IFIT5: variants seen among roughly 807,000 people sequenced by gnomAD.
IFIT5 encodes interferon induced protein with tetratricopeptide repeats 5.
Under a neutral mutation model 5.0 loss-of-function variants are expected in IFIT5, and 2 were observed. The observed-to-expected ratio is 0.40, with a 90% CI of 0.16 to 1.26. The LOEUF is 1.26. IFIT5 is among the 50% of genes most tolerant of loss of function. IFIT5 has a pLI of 0.33. For synonymous variants in IFIT5, 206 were observed against 204.6 expected, an observed-to-expected ratio of 1.01 and a Z score of -0.06; for missense variants, 524 against 563.2, an observed-to-expected ratio of 0.93 and a Z score of 0.70.
Position 89,414,783 on chromosome 10 carries a change from G to A in IFIT5, c.-16G>A. 6.2e-7 allele frequency: 1 copy of A among 1,608,756 alleles called. No individual in the cohort carries two copies. The highest frequency in any genetic ancestry group is 8.5e-7 in the Non-Finnish European group (1 of 1,178,040). ...AGGGACTGCGCCGCCCGGACGGCCT[G>A]CAGAGCGCTGCCATCATGAGGTAAG... is the stretch of plus-strand genomic sequence containing the variant. On this transcript the variant is annotated 5_prime_UTR_variant, in exon 1 of 2. Coordinates refer to ENST00000371795, the MANE Select transcript of IFIT5 (RefSeq NM_012420.3).
In IFIT5 at chr10:89,417,287, G is replaced by T. The variant is rs1841548082; in HGVS notation, c.88G>T (p.Asp30Tyr). The change falls in exon 2 of 2, where the codon GAT becomes TAT. Residue 30 changes from aspartate (D) to tyrosine (Y), a missense_variant. Asp to Tyr is a radical substitution (Grantham distance 160). Transcript: ENST00000371795. ...FTWNLLKEDIDLFEVEDTIGQ... is the reference protein window; with the variant it reads ...FTWNLLKEDIYLFEVEDTIGQ... ...ATGGAATTTACTTAAGGAAGACATT[G>T]ATCTGTTTGAGGTAGAAGATACAAT... The T allele has an allele frequency of 6.2e-7, 1 of 1,614,058 alleles. No individual in the cohort carries two copies. Among genetic ancestry groups the T allele is most frequent in the African/African-American group, 1.3e-5 (1 of 75,040 alleles).
chr10:89,414,795 C>A lies in IFIT5; in HGVS notation c.-4C>A. The A allele has an allele frequency of 6.2e-7, 1 of 1,609,510 alleles. No homozygotes were observed. Among genetic ancestry groups the A allele is most frequent in the Non-Finnish European group, 8.5e-7 (1 of 1,178,194 alleles). The stretch of plus-strand genomic sequence containing the variant: ...GCCCGGACGGCCTGCAGAGCGCTGC[C>A]ATCATGAGGTAAGGGTTTTCCTTTG... On this transcript the variant is annotated 5_prime_UTR_variant, in exon 1 of 2. Coordinates refer to ENST00000371795, the MANE Select transcript of IFIT5 (RefSeq NM_012420.3).
At position 89,417,181 on chromosome 10, in the gene IFIT5, TA is replaced by T. The variant is rs746129040; in HGVS notation, c.6-19del. The T allele has an allele frequency of 2.0e-6, 3 of 1,527,990 alleles. No individual in the cohort carries two copies. The Admixed American group carries it at 6.5e-5, about 33-fold the overall frequency. 94.7% of individuals were successfully genotyped at this position (1,527,990 alleles called of 1,614,324 possible). ...TTATTTCTTGTATTTCTTCAAAAAT[TA>T]AAAAGTATTTTATCTTTGACAGTGA... On this transcript the variant is annotated intron_variant, in intron 1 of 1. Transcript: ENST00000371795.
At position 89,417,586 on chromosome 10, in the gene IFIT5, T is replaced by G; in HGVS notation, c.387T>G (p.Ser129Arg). ...KIGNVCKKLS[S>R]PSNYKLECPE... Reference sequence around the variant, plus strand: ...GGAATGTCTGTAAGAAATTGTCCAGTCCTTCTAACTACAAGTTGGAGTGTC... The same window carrying G: ...GGAATGTCTGTAAGAAATTGTCCAGGCCTTCTAACTACAAGTTGGAGTGTC... The change falls in exon 2 of 2, where the codon AGT (serine) becomes AGG (arginine). Residue 129 changes from serine to arginine, a missense_variant. Physicochemically the swap from Ser to Arg is moderately radical, Grantham distance 110. Transcript: ENST00000371795. The G allele has an allele frequency of 1.2e-6, 2 of 1,614,236 alleles. No individual in the cohort carries two copies. The highest frequency in any genetic ancestry group is 4.5e-5 in the East Asian group (2 of 44,886).
intron 1 of IFIT5, among the ~76,000 whole-genome samples, chr10:89,416,756 G>A (rs1206990233): frequency 6.6e-6 from 1 of 152,210 alleles, no homozygotes; most frequent in African/African-American, 2.4e-5. Context: ...AGGCTGTAAG[G>A]ACATGGCATG....
Position 89,418,468 on chromosome 10 carries a change from G to A in IFIT5, c.1269G>A (p.Leu423=), listed in dbSNP as rs753594215. The A allele has an allele frequency of 4.3e-6, 7 of 1,614,074 alleles. No individual in the cohort carries two copies. In the African/African-American group the frequency reaches 6.7e-5, roughly 15 times the overall value. ...AACTGACAAGTGCTCTGAAGAAATT[G>A]TCTACCAAGAGACTTTGTCACAATG... The part of the protein sequence containing the change: ...RTKLTSALKK[L]STKRLCHNAL... Residue 423 remains leucine (L), a synonymous_variant, in exon 2 of 2, where the codon TTG becomes TTA. Coordinates refer to ENST00000371795, the MANE Select transcript of IFIT5 (RefSeq NM_012420.3).
rs553244579 is a variant in IFIT5, at chr10:89,418,768, T to C, written c.*120T>C. The C allele has an allele frequency of 1.3e-4, 129 of 1,012,600 alleles. No homozygotes were observed. The African/African-American group carries it at 1.8e-3, about 14-fold the overall frequency. The allele number at this position is 1,012,600 out of a possible 1,614,324, so 62.7% of individuals were successfully genotyped here. A position where few individuals can be genotyped will look rare whatever the true frequency, so the allele number is the denominator to read the frequency against. On this transcript the variant is annotated 3_prime_UTR_variant, in exon 2 of 2. Coordinates refer to ENST00000371795, the MANE Select transcript of IFIT5 (RefSeq NM_012420.3). ...AGAGCTAATATTTATTGAATAGTTA[T>C]TGTGTACCAAGCATTGTGCTAAATA...
At chr10:89,415,166 A>G (rs6586195) in intron 1 of IFIT5, among the ~76,000 whole-genome samples, 26,977 of 152,152 alleles carry the variant, frequency 0.18, 4,845 homozygotes, top group African/African-American at 0.46. Context: ...GCTCCCCCGG[A>G]AGGCCTGTCC....
chr10:89,417,571 T>C lies in IFIT5; in HGVS notation c.372T>C (p.Cys124=). Reference sequence around the variant, plus strand: ...ATACAGGTAAGATAGGGAATGTCTGTAAGAAATTGTCCAGTCCTTCTAACT... The same window carrying C: ...ATACAGGTAAGATAGGGAATGTCTGCAAGAAATTGTCCAGTCCTTCTAACT... ...QKYTGKIGNV[C]KKLSSPSNYK... is the part of the protein sequence containing the mutation. The change falls in exon 2 of 2, where the codon TGT becomes TGC. Residue 124 remains cysteine, a synonymous_variant. Transcript: ENST00000371795. 1 of 1,614,172 alleles carries C rather than the reference T, an allele frequency of 6.2e-7. No homozygotes were observed. Among genetic ancestry groups the C allele is most frequent in the Non-Finnish European group, 8.5e-7 (1 of 1,180,018 alleles).
At chr10:89,416,775 A>G (rs75135115) in intron 1 of IFIT5, among the ~76,000 whole-genome samples, 1,534 of 152,354 alleles carry the variant, frequency 0.01, 25 homozygotes, top group African/African-American at 0.035. Context: ...TGTCTTGCCC[A>G]TATTTTTGGT....
intron 1 of IFIT5, among the ~76,000 whole-genome samples, chr10:89,415,122 G>A (rs1841521057): frequency 6.6e-6 from 1 of 152,204 alleles, no homozygotes; most frequent in Non-Finnish European, 1.5e-5. Context: ...CCTGGCGTCT[G>A]CGGTCGGGAC....
rs1841580307 is a variant in IFIT5, at chr10:89,419,748, G to T, written c.*1100G>T. 6.6e-6 allele frequency: 1 copy of T among 151,816 alleles called. No homozygotes were observed. Among genetic ancestry groups the T allele is most frequent in the African/African-American group, 2.4e-5 (1 of 41,286 alleles). 9.4% of individuals were successfully genotyped at this position (151,816 alleles called of 1,614,324 possible). ...TTCAGTTTTAATATCCACCTTGAGG[G>T]GTCGCTGCTTGAGGGCTCTTATCCC... On this transcript the variant is annotated 3_prime_UTR_variant, in exon 2 of 2. Transcript: ENST00000371795.
rs1841548518 is a variant in IFIT5, at chr10:89,417,326, G to C, written c.127G>C (p.Glu43Gln). 1 of 1,614,138 alleles carries C rather than the reference G, an allele frequency of 6.2e-7. No homozygotes were observed. Among genetic ancestry groups the C allele is most frequent in the Non-Finnish European group, 8.5e-7 (1 of 1,180,028 alleles). ...EVEDTIGQQL[E>Q]FLTTKSRLAL... ...AGAAGATACAATTGGGCAACAGCTT[G>C]AATTTCTTACCACAAAATCTAGACT... Residue 43 changes from glutamate to glutamine, a missense_variant, in exon 2 of 2, where the codon GAA becomes CAA. Transcript: ENST00000371795.
Position 89,414,681 on chromosome 10 carries a change from C to T in IFIT5, c.-118C>T. On this transcript the variant is annotated 5_prime_UTR_variant, in exon 1 of 2. Transcript: ENST00000371795. ...CGGCCGAGTCCAGGGGCTGCAGAGG[C>T]CTGGCGCGCGCACGCGCACGCGCAC... 1 of 1,279,000 alleles carries T rather than the reference C, an allele frequency of 7.8e-7. No homozygotes were observed. The highest frequency in any genetic ancestry group is 1.5e-5 in the South Asian group (1 of 66,394). The allele number at this position is 1,279,000 out of a possible 1,614,324, so 79.2% of individuals were successfully genotyped here.
At position 89,417,609 on chromosome 10, in the gene IFIT5, G is replaced by A. The variant is rs1432064095; in HGVS notation, c.410G>A (p.Cys137Tyr). 6.2e-7 allele frequency: 1 copy of A among 1,614,186 alleles called. No homozygotes were observed. Among genetic ancestry groups the A allele is most frequent in the African/African-American group, 1.3e-5 (1 of 75,060 alleles). ...LSSPSNYKLE[C>Y]PETDCEKGWA... ...AGTCCTTCTAACTACAAGTTGGAGT[G>A]TCCTGAGACTGACTGTGAGAAAGGC... Residue 137 changes from cysteine (C) to tyrosine (Y), a missense_variant, in exon 2 of 2, where the codon TGT (cysteine) becomes TAT (tyrosine). Transcript: ENST00000371795.
Position 89,418,436 on chromosome 10 carries a change from C to T in IFIT5, c.1237C>T (p.Arg413Cys), listed in dbSNP as rs186298679. ...ALKVKDRSPL[R>C]TKLTSALKKL... ...AAAGGTCAAAGACAGATCACCCCTT[C>T]GCACCAAACTGACAAGTGCTCTGAA... The change falls in exon 2 of 2, where the codon CGC becomes TGC. Residue 413 changes from arginine to cysteine, a missense_variant. Coordinates refer to ENST00000371795, the MANE Select transcript of IFIT5 (RefSeq NM_012420.3). 10 of 1,614,148 alleles carry T rather than the reference C, an allele frequency of 6.2e-6. No individual in the cohort carries two copies. Among genetic ancestry groups the T allele is most frequent in the Admixed American group, 5.0e-5 (3 of 60,022 alleles).
chr10:89,418,499 G>C lies in IFIT5; in HGVS notation c.1300G>C (p.Asp434His). ...STKRLCHNALDVQSLSALGFV... is the reference protein window; with the variant it reads ...STKRLCHNALHVQSLSALGFV... ...CAAGAGACTTTGTCACAATGCTTTA[G>C]ATGTGCAGAGTTTAAGTGCCCTAGG... is the stretch of plus-strand genomic sequence containing the variant. The change falls in exon 2 of 2, where the codon GAT becomes CAT. Residue 434 changes from aspartate to histidine, a missense_variant. By Grantham distance (81) the Asp-to-His change is moderately conservative. Coordinates refer to ENST00000371795, the MANE Select transcript of IFIT5 (RefSeq NM_012420.3). 6.2e-7 allele frequency: 1 copy of C among 1,614,214 alleles called. No individual in the cohort carries two copies. Among genetic ancestry groups the C allele is most frequent in the Non-Finnish European group, 8.5e-7 (1 of 1,180,032 alleles).
At chr10:89,414,959 G>A (rs749263637) in intron 1 of IFIT5, among the ~76,000 whole-genome samples, 156 bp downstream of exon 1, 3 of 152,174 alleles carry the variant, frequency 2.0e-5, no homozygotes, top group African/African-American at 7.2e-5. Flanking sequence ...GACCCTCCCC[G>A]GGCGCTCTGT....
rs1268313560 is a variant in IFIT5 at position 89,414,862 on chromosome 10, G to C, written c.5+59G>C. ...CTGCGTCGGCCTTGGTTTCAAACCG[G>C]GCTGCTTTTATTCATTTCCAGCGCA... On this transcript the variant is annotated intron_variant, in intron 1 of 1. Coordinates refer to ENST00000371795, the MANE Select transcript of IFIT5 (RefSeq NM_012420.3). The C allele has an allele frequency of 6.3e-6, 10 of 1,591,516 alleles. No individual in the cohort carries two copies. In the East Asian group the frequency reaches 2.3e-4, roughly 37 times the overall value.
Sources: allele counts gnomAD v4.1 joint callset (sites outside exome capture counted in the v4.1 genomes callset), GRCh38; gene constraint gnomAD v4.1.1; transcripts MANE v1.5; gene names NCBI Gene and HGNC (gene_info 2026-07-23, HGNC 2026-07-21).